ZFYVE1: variants seen among roughly 807,000 people sequenced by gnomAD.
The protein encoded by ZFYVE1 is zinc finger FYVE-type containing 1.
In ZFYVE1, 30 loss-of-function variants were observed where a neutral mutation model predicts 74.4. That is an observed-to-expected ratio of 0.40 (90% CI 0.30 to 0.55). The LOEUF (loss-of-function observed/expected upper bound fraction) is 0.55, where lower values mean the gene tolerates loss of function less well. Among genes scored for constraint, ZFYVE1 ranks in the 20% least tolerant of loss-of-function variants. The probability of loss-of-function intolerance (pLI) is 0.42; values close to 1 mark genes in which losing one functional copy is unlikely to be tolerated. For missense variants in ZFYVE1, 703 were observed against 1,011.6 expected, an observed-to-expected ratio of 0.69 and a Z score of 4.14; for synonymous variants, 335 against 385.1, an observed-to-expected ratio of 0.87 and a Z score of 1.52.
intron 4 of ZFYVE1, among the ~76,000 whole-genome samples, chr14:72,983,636 A>G (rs1893400712): frequency 6.6e-6 from 1 of 151,970 alleles, no homozygotes; most frequent in African/African-American, 2.4e-5. Flanking sequence ...AGTCTTTGCT[A>G]TTGTGAATAG....
intron 4 of ZFYVE1, among the ~76,000 whole-genome samples, chr14:72,983,390 C>G (rs60245507): frequency 0.074 from 10,522 of 141,480 alleles, 509 homozygotes; most frequent in East Asian, 0.2. Context: ...GATGTTCCCC[C>G]CCTTCCTGTG....
Position 72,998,111 on chromosome 14 carries a change from T to C in ZFYVE1, c.688A>G (p.Lys230Glu), listed in dbSNP as rs773651109. Residue 230 changes from lysine to glutamate, a missense_variant, in exon 3 of 12, where the codon AAA becomes GAA. Physicochemically the swap from Lys to Glu is moderately conservative, Grantham distance 56 (BLOSUM62 1). Around this residue, in one of 2 missense-constraint regions of ZFYVE1, gnomAD observed 492 missense variants for 790.0 expected, o/e 0.62. Coordinates refer to ENST00000556143, the MANE Select transcript of ZFYVE1 (RefSeq NM_021260.4). ...GVWAAYDPVH[K>E]VAVIDTEGLL... Reference sequence around the variant, plus strand: ...CCTTCCGTATCGATCACTGCTACTTTGTGAACTGGGTCATAGGCTGCCCAC... The same window carrying C: ...CCTTCCGTATCGATCACTGCTACTTCGTGAACTGGGTCATAGGCTGCCCAC... 1 of 1,613,972 alleles carries C rather than the reference T, an allele frequency of 6.2e-7. No homozygotes were observed. Among genetic ancestry groups the C allele is most frequent in the Non-Finnish European group, 8.5e-7 (1 of 1,179,964 alleles).
In ZFYVE1 at chr14:72,975,822, A is replaced by T; in HGVS notation, c.1636-101T>A. 7.3e-7 allele frequency: 1 copy of T among 1,379,274 alleles called. No individual in the cohort carries two copies. Among genetic ancestry groups the T allele is most frequent in the Non-Finnish European group, 1.0e-6 (1 of 1,001,998 alleles). 85.4% of individuals were successfully genotyped at this position (1,379,274 alleles called of 1,614,324 possible). Reference sequence around the variant, plus strand: ...GTTGCACACTCACCGTGGCCAACTCAGAACCACTAACTCCCTGGCAGGGAA... The same window carrying T: ...GTTGCACACTCACCGTGGCCAACTCTGAACCACTAACTCCCTGGCAGGGAA... On this transcript the variant is annotated intron_variant, in intron 8 of 11. Coordinates refer to ENST00000556143, the MANE Select transcript of ZFYVE1 (RefSeq NM_021260.4). The surrounding 1 kb of genome is among the most constrained non-coding windows in gnomAD (Gnocchi z 4.1).
At position 73,024,640 on chromosome 14, in the gene ZFYVE1, C is replaced by T; in HGVS notation, c.-132G>A. ...TTCTGAACACTTTAAAAAAGAACAC[C>T]TTTCATGTCCTGTTATAGTTCTTCA... On this transcript the variant is annotated 5_prime_UTR_variant, in exon 2 of 12. Coordinates refer to ENST00000556143, the MANE Select transcript of ZFYVE1 (RefSeq NM_021260.4). The T allele has an allele frequency of 4.7e-6, 6 of 1,276,910 alleles. No individual in the cohort carries two copies. In the South Asian group the frequency reaches 8.6e-5, roughly 18 times the overall value. The allele number at this position is 1,276,910 out of a possible 1,614,324, so 79.1% of individuals were successfully genotyped here.
At chr14:72,973,512 CAA>C (rs1010932570) in intron 11 of ZFYVE1, among the ~76,000 whole-genome samples, 3 of 147,160 alleles carry the variant, frequency 2.0e-5, no homozygotes, top group Middle Eastern at 3.4e-3. Flanking sequence ...AACAAACAAA[CAA>C]AAAAAAAGAG....
chr14:73,012,237 C>T (rs1258093767), intron 2 of ZFYVE1, among the ~76,000 whole-genome samples: 1 of 152,036 alleles, frequency 6.6e-6, no homozygotes, highest in African/African-American at 2.4e-5. Context: ...TAACAGTTAA[C>T]TGAGACATAA....
At chr14:72,991,692 CATT>C (rs1360540663) in intron 4 of ZFYVE1, among the ~76,000 whole-genome samples, 1 of 152,114 alleles carries the variant, frequency 6.6e-6, no homozygotes, top group Non-Finnish European at 1.5e-5. Context: ...ACTACAAGGA[CATT>C]ATTAGCCAAT....
chr14:73,002,365 T>C (rs1018361950), intron 2 of ZFYVE1, among the ~76,000 whole-genome samples: 1 of 152,212 alleles, frequency 6.6e-6, no homozygotes, highest in Non-Finnish European at 1.5e-5. Flanking sequence ...TTTATGAACA[T>C]ACTAAAAATA....
intron 3 of ZFYVE1, among the ~76,000 whole-genome samples, chr14:72,994,013 CAAAAAAAAAAA>C (rs59059738): frequency 3.5e-5 from 2 of 56,916 alleles, no homozygotes; most frequent in Non-Finnish European, 7.5e-5. Context: ...GATTCCGTCT[CAAAAAAAAAAA>C]AAAAAAAGTA....
rs2140394382 is a variant in ZFYVE1, at chr14:73,024,311, G to C, written c.198C>G (p.Gly66=). The C allele has an allele frequency of 1.9e-6, 3 of 1,614,076 alleles. No individual in the cohort carries two copies. In the East Asian group the frequency reaches 6.7e-5, roughly 36 times the overall value. Reference sequence around the variant, plus strand: ...TGCAGAGGTCACAGTAAGGGACATGGCCAGGTTTGAGTCTTATCCGCTCAT... The same window carrying C: ...TGCAGAGGTCACAGTAAGGGACATGCCCAGGTTTGAGTCTTATCCGCTCAT... ...RNHERIRLKP[G]HVPYCDLCKG... is the part of the protein sequence containing the mutation. Residue 66 remains glycine, a synonymous_variant, in exon 2 of 12, where the codon GGC becomes GGG. Transcript: ENST00000556143.
At chr14:72,986,850 A>C in intron 4 of ZFYVE1, 5 of 983,484 alleles carry the variant, frequency 5.1e-6, no homozygotes, top group Non-Finnish European at 6.0e-6. Context: ...TTTACATACC[A>C]CCTGATCCAT....
intron 8 of ZFYVE1, among the ~76,000 whole-genome samples, chr14:72,976,718 G>C (rs992891817): frequency 6.6e-5 from 10 of 150,512 alleles, no homozygotes; most frequent in South Asian, 4.2e-4. Context: ...AGGAGGTGGA[G>C]GTTGCAGTTA....
rs553105816 is a variant in ZFYVE1 at position 73,026,808 on chromosome 14, C to G, written c.-435+118G>C. 2.3e-3 allele frequency: 579 copies of G among 253,090 alleles called. 2 individuals are homozygous for G. Among genetic ancestry groups the G allele is most frequent in the Non-Finnish European group, 3.4e-3 (456 of 134,608 alleles). 15.7% of individuals were successfully genotyped at this position (253,090 alleles called of 1,614,324 possible). ...GTTTATACCACCCCACCCCCACCCC[C>G]GCCGCACCCGCCCCCCCTTCCTCCC... On this transcript the variant is annotated intron_variant, in intron 1 of 11. Transcript: ENST00000556143.
intron 2 of ZFYVE1, among the ~76,000 whole-genome samples, chr14:73,017,469 TA>T (rs566839999): frequency 1.3e-5 from 2 of 152,238 alleles, no homozygotes; most frequent in Non-Finnish European, 2.9e-5. Flanking sequence ...ACCACTGTGT[TA>T]GATAATACAA....
intron 2 of ZFYVE1, among the ~76,000 whole-genome samples, chr14:73,011,837 A>G (rs1415102131): frequency 6.6e-6 from 1 of 150,744 alleles, no homozygotes; most frequent in African/African-American, 2.4e-5. Flanking sequence ...CATTGTTTTA[A>G]GAGAAAAAAA....
chr14:72,997,462 A>T (rs1320000230), intron 3 of ZFYVE1, among the ~76,000 whole-genome samples: 1 of 152,096 alleles, frequency 6.6e-6, no homozygotes, highest in Non-Finnish European at 1.5e-5. Flanking sequence ...CCTCCCAGGT[A>T]GCTAGAATTA....
At chr14:73,021,122 A>G (rs1051732665) in intron 2 of ZFYVE1, among the ~76,000 whole-genome samples, 3 of 152,070 alleles carry the variant, frequency 2.0e-5, no homozygotes, top group Admixed American at 1.3e-4. Context: ...AGGCGGGCGG[A>G]TAACTTGAGG....
intron 2 of ZFYVE1, among the ~76,000 whole-genome samples, chr14:73,007,392 A>AT (rs970158762): frequency 2.7e-4 from 40 of 149,894 alleles, no homozygotes; most frequent in African/African-American, 7.8e-4. Flanking sequence ...CATTACTCCA[A>AT]TTTTTTTTTT....
chr14:73,012,843 T>G lies in ZFYVE1; in HGVS notation c.483+11183A>C, dbSNP rs73297236. ...CTGCTGTAGAATGATACACATAAAC[T>G]ATATTGAACGCTTTGAAAGAAAAAA... is the stretch of plus-strand genomic sequence containing the variant. On this transcript the variant is annotated intron_variant, in intron 2 of 11. Transcript: ENST00000556143. Among the ~76,000 whole-genome samples, 1,086 of 152,300 alleles carry G rather than the reference T, an allele frequency of 7.1e-3. 10 individuals are homozygous for G. The highest frequency in any genetic ancestry group is 0.024 in the African/African-American group (1,008 of 41,568).
Sources: gnomAD v4.1 joint callset for allele counts (sites outside exome capture counted in the v4.1 genomes callset) on GRCh38, gnomAD v4.1.1 for gene constraint, gnomAD v4.1.1 regional missense constraint, Gnocchi (gnomAD v3.1) non-coding constraint, MANE v1.5 for transcripts, NCBI Gene and HGNC (gene_info 2026-07-23, HGNC 2026-07-21) for gene names.